The following SP140 variants were observed in gnomAD, a reference collection of about 807,000 sequenced individuals.
SP140 encodes SP140 nuclear body protein, also known as nuclear body protein SP140.
SP140 carries 81 observed loss-of-function variants against 125.0 expected under a neutral mutation model. The ratio of observed to expected loss-of-function variants is 0.65; its 90% CI spans 0.54 to 0.78. SP140 has a LOEUF of 0.78. Ranked by LOEUF, SP140 falls within the 30% of genes least tolerant of loss-of-function variation. SP140 has a pLI of 0.00. For synonymous variants in SP140, 312 were observed against 354.0 expected, an observed-to-expected ratio of 0.88 and a Z score of 1.33; for missense variants, 858 against 1,037.0, an observed-to-expected ratio of 0.83 and a Z score of 2.37.
upstream of SP140, among the ~76,000 whole-genome samples, chr2:230,221,194 T>C (rs972414097): frequency 5.3e-5 from 8 of 151,734 alleles, no homozygotes; most frequent in Non-Finnish European, 1.0e-4. Context: ...GGCAGGAGAA[T>C]TGCTTGAACC....
intron 22 of SP140, among the ~76,000 whole-genome samples, chr2:230,306,378 GAC>G (rs2149587927): frequency 6.6e-6 from 1 of 152,368 alleles, no homozygotes; most frequent in East Asian, 1.9e-4. Context: ...TGCTGCAGGA[GAC>G]ACAGAGAGGG....
At chr2:230,264,671 T>C (rs947122280) in intron 12 of SP140, among the ~76,000 whole-genome samples, 1 of 152,212 alleles carries the variant, frequency 6.6e-6, no homozygotes, top group Non-Finnish European at 1.5e-5. Context: ...GATGTTCCCT[T>C]GATGTACTAT....
At chr2:230,206,598 TATA>T (rs1559169587) in intron 1 of SP140, among the ~76,000 whole-genome samples, 20 of 31,288 alleles carry the variant, frequency 6.4e-4, no homozygotes, top group African/African-American at 1.1e-3. Context: ...CCAGATTTTA[TATA>T]TATATATATA....
rs114042149 is a variant in SP140 at position 230,289,064 on chromosome 2, A to G, written c.1720+1098A>G. 4.2e-3 allele frequency among the ~76,000 whole-genome samples: 645 copies of G among 152,328 alleles called. 3 individuals carry two copies. The highest frequency in any genetic ancestry group is 0.015 in the African/African-American group (617 of 41,570). ...CCACACTGTCTTCCATAACGGTTGA[A>G]CTAATTTACACTGCAACCAACAGTG... On this transcript the variant is annotated intron_variant, in intron 18 of 26. Transcript: ENST00000392045.
chr2:230,254,846 A>G (rs2149250496), intron 11 of SP140, among the ~76,000 whole-genome samples: 1 of 152,248 alleles, frequency 6.6e-6, no homozygotes, highest in South Asian at 2.1e-4. Context: ...AATGGCATCA[A>G]TCATTTCAGG....
At chr2:230,224,128 A>G (rs1258369373), upstream of SP140, among the ~76,000 whole-genome samples, 1 of 152,238 alleles carries the variant, frequency 6.6e-6, no homozygotes, top group Non-Finnish European at 1.5e-5. Context: ...GGTGTTGCAA[A>G]GTAGGGCTTT....
At chr2:230,274,222 A>G (rs908930339) in intron 15 of SP140, among the ~76,000 whole-genome samples, 8 of 151,918 alleles carry the variant, frequency 5.3e-5, no homozygotes, top group South Asian at 4.1e-4. Context: ...GATCCATAAG[A>G]CTCTTGAGGG....
rs138119526 is a variant in SP140 at position 230,211,652 on chromosome 2, G to A, written c.-322-2002G>A. The A allele has an allele frequency of 2.9e-3, 2,348 of 799,154 alleles. 60 individuals carry two copies. The Admixed American group carries it at 0.039, about 13-fold the overall frequency. 49.5% of individuals were successfully genotyped at this position (799,154 alleles called of 1,614,324 possible). ...CTCTATTCCAACAAGTAAAAATGAC[G>A]GGGTAACAGCAACCAAGGCCTGGGA... On this transcript the variant is annotated intron_variant, in intron 1 of 4. Coordinates refer to the SP140 transcript ENST00000456542. The surrounding 1 kb of genome is among the most constrained non-coding windows in gnomAD (Gnocchi z 4.2).
upstream of SP140, among the ~76,000 whole-genome samples, chr2:230,198,274 G>A (rs2042971364): frequency 6.6e-6 from 1 of 152,162 alleles, no homozygotes; most frequent in African/African-American, 2.4e-5. Context: ...CTGTGACCCA[G>A]AAGTGACACC....
intron 5 of SP140, among the ~76,000 whole-genome samples, chr2:230,244,466 G>A (rs1344939850): frequency 6.6e-6 from 1 of 152,186 alleles, no homozygotes; most frequent in Non-Finnish European, 1.5e-5. Flanking sequence ...TCATGGATTG[G>A]AGTTCACACA....
At chr2:230,309,604 G>A (rs528748304) in intron 22 of SP140, among the ~76,000 whole-genome samples, 10 of 152,270 alleles carry the variant, frequency 6.6e-5, no homozygotes, top group Admixed American at 6.5e-4. Flanking sequence ...TCAAAACCTG[G>A]TTTTATCTGC....
At chr2:230,236,245 C>T (rs1382513851) in intron 1 of SP140, among the ~76,000 whole-genome samples, 1 of 152,136 alleles carries the variant, frequency 6.6e-6, no homozygotes, top group Non-Finnish European at 1.5e-5. Flanking sequence ...CAGAATGCCA[C>T]CCTCCTTTTG....
chr2:230,195,345 G>A, the SP140 span, among the ~76,000 whole-genome samples: 116,214 of 152,050 alleles, frequency 0.76, 44,540 homozygotes, highest in Admixed American at 0.83. Flanking sequence ...CATTTAAAAA[G>A]TTTTTTGGGG....
chr2:230,281,889 T>C (rs971671406), intron 15 of SP140, among the ~76,000 whole-genome samples: 20 of 152,224 alleles, frequency 1.3e-4, no homozygotes, highest in African/African-American at 4.8e-4. Context: ...TTCCTGTTTT[T>C]TCGTATCTCC....
chr2:230,215,017 T>C (rs572158150), intron 3 of SP140: 5 of 1,613,892 alleles, frequency 3.1e-6, no homozygotes, highest in Middle Eastern at 1.7e-4. Flanking sequence ...GACTGAACAA[T>C]GTCACCAGAA....
intron 15 of SP140, chr2:230,270,886 TGGG>T (rs956594003): frequency 3.3e-5 from 18 of 545,168 alleles, no homozygotes; most frequent in Admixed American, 2.9e-4. Context: ...TCCTGGGTTA[TGGG>T]GTGGGCACAA....
chr2:230,284,466 A>G, intron 16 of SP140, 55 bp downstream of exon 16: 4 of 1,477,134 alleles, frequency 2.7e-6, no homozygotes, highest in South Asian at 1.3e-5. Context: ...GGCACTGTCC[A>G]TTGTATTCTG....
upstream of SP140, among the ~76,000 whole-genome samples, chr2:230,224,104 C>A (rs1468296308): frequency 6.6e-6 from 1 of 152,234 alleles, no homozygotes; most frequent in African/African-American, 2.4e-5. Flanking sequence ...CTATCCTTAC[C>A]TGGGCTAATG....
upstream of SP140, among the ~76,000 whole-genome samples, chr2:230,222,229 CAAA>C (rs1204772131): frequency 7.8e-5 from 6 of 77,264 alleles, no homozygotes; most frequent in Admixed American, 1.4e-4. Context: ...GATCCCGCCT[CAAA>C]AAAAAAAAAA....
Sources: gnomAD v4.1 joint callset for allele counts (sites outside exome capture counted in the v4.1 genomes callset) on GRCh38, gnomAD v4.1.1 for gene constraint, Gnocchi (gnomAD v3.1) non-coding constraint, MANE v1.5 for transcripts, NCBI Gene and HGNC (gene_info 2026-07-23, HGNC 2026-07-21) for gene names.